The following CDC25B variants were observed in gnomAD, a reference collection of about 807,000 sequenced individuals.
CDC25B encodes M-phase inducer phosphatase 2.
In CDC25B, 33 loss-of-function variants were observed where a neutral mutation model predicts 69.8. The ratio of observed to expected loss-of-function variants is 0.47; its 90% CI spans 0.36 to 0.63. The LOEUF (loss-of-function observed/expected upper bound fraction) is 0.63. Among genes scored for constraint, CDC25B ranks in the 30% least tolerant of loss-of-function variants. CDC25B has a pLI of 0.00. For synonymous variants in CDC25B, 341 were observed against 314.6 expected (o/e 1.08, Z -0.89); for missense variants, 727 against 809.1 (o/e 0.90, Z 1.23).
At chr20:3,795,213 TA>T (rs1202665806), upstream of CDC25B, among the ~76,000 whole-genome samples, 1 of 151,860 alleles carries the variant, frequency 6.6e-6, no homozygotes, top group Non-Finnish European at 1.5e-5. Context: ...ATACAAACAT[TA>T]GCTGGGCGTG....
intron 7 of CDC25B, 74 bp downstream of exon 7, chr20:3,801,167 C>A: frequency 6.2e-7 from 1 of 1,604,848 alleles, no homozygotes; most frequent in Middle Eastern, 1.7e-4. Context: ...GGCCCTGAAC[C>A]CCCAGGCACT....
chr20:3,788,781 TTCTC>T (rs887164905), intron 1 of CDC25B, among the ~76,000 whole-genome samples: 4 of 151,670 alleles, frequency 2.6e-5, no homozygotes, highest in African/African-American at 9.7e-5. Flanking sequence ...TTCTTTCTCT[TTCTC>T]TCTTTTCCTT....
chr20:3,794,515 GTT>G (rs34263628), upstream of CDC25B, among the ~76,000 whole-genome samples: 90,440 of 149,020 alleles, frequency 0.61, 27,932 homozygotes, highest in African/African-American at 0.73. Context: ...TCTCGGGGCA[GTT>G]TTTTTTTTCT....
In CDC25B at chr20:3,802,086, G is replaced by A. The variant is rs1294170557; in HGVS notation, c.1084G>A (p.Glu362Lys). Residue 362 changes from glutamate (E) to lysine (K), a missense_variant, in exon 10 of 16, where the codon GAG becomes AAG. Coordinates refer to ENST00000245960, the MANE Select transcript of CDC25B (RefSeq NM_021873.4). ...CGTGACCCCTCCTGAGGAGCAGCAG[G>A]AGGCTGAGGAACCTGTGAGTGCCTT... is the stretch of plus-strand genomic sequence containing the variant. ...RSVTPPEEQQEAEEPKARVLR... is the reference protein window; with the variant it reads ...RSVTPPEEQQKAEEPKARVLR... 1 of 1,553,336 alleles carries A rather than the reference G, an allele frequency of 6.4e-7. No homozygotes were observed. The highest frequency in any genetic ancestry group is 8.7e-7 in the Non-Finnish European group (1 of 1,147,460).
intron 1 of CDC25B, among the ~76,000 whole-genome samples, chr20:3,791,106 G>T (rs2088908402): frequency 1.3e-5 from 2 of 152,202 alleles, no homozygotes. Context: ...CCACCTGACT[G>T]CCCGTTCTCC....
Position 3,798,461 on chromosome 20 carries a change from G to A in CDC25B, c.378G>A (p.Gln126=), listed in dbSNP as rs139123058. 1.3e-6 allele frequency: 2 copies of A among 1,597,130 alleles called. No individual in the cohort carries two copies. The highest frequency in any genetic ancestry group is 3.4e-5 in the Admixed American group (2 of 58,024). ...PSPMDPHMAE[Q]TFEQAIQAAS... The stretch of plus-strand genomic sequence containing the variant: ...CTATGGACCCCCACATGGCGGAGCA[G>A]ACGTGAGTAGAGAAGGGAATGTGTA... The change falls in exon 3 of 16, where the codon CAG becomes CAA. Residue 126 remains glutamine (Q), a splice_region_variant and synonymous_variant. Coordinates refer to ENST00000245960, the MANE Select transcript of CDC25B (RefSeq NM_021873.4).
chr20:3,791,319 G>A (rs2088912157), upstream of CDC25B, among the ~76,000 whole-genome samples: 5 of 152,254 alleles, frequency 3.3e-5, no homozygotes, highest in South Asian at 6.2e-4. Flanking sequence ...AGAGGTAAAT[G>A]ATTTAGTCCT....
At chr20:3,796,116 T>C, upstream of CDC25B, 3 of 1,034,468 alleles carry the variant, frequency 2.9e-6, no homozygotes, top group Non-Finnish European at 3.5e-6. Flanking sequence ...CAGGGGGATG[T>C]GCGAGGGTGT....
upstream of CDC25B, among the ~76,000 whole-genome samples, chr20:3,791,463 G>C (rs574379517): frequency 6.6e-6 from 1 of 152,186 alleles, no homozygotes; most frequent in South Asian, 2.1e-4. Flanking sequence ...CTGGTGGATC[G>C]CTTAAGCCCA....
chr20:3,802,423 T>C (rs565150389), intron 11 of CDC25B, 47 bp downstream of exon 11: 1 of 1,328,692 alleles, frequency 7.5e-7, no homozygotes, highest in African/African-American at 1.4e-5. Context: ...GACCTCTTAC[T>C]GACTAGGGGT....
rs765262777 is a variant in CDC25B at position 3,797,730 on chromosome 20, C to T, written c.309C>T (p.Ser103=). ...CCGAATCCTCCCTGTCGTCTGAATCCTCCGAATCTTCTGATGCAGGTGAGG... is the reference window on the plus strand; with the variant it reads ...CCGAATCCTCCCTGTCGTCTGAATCTTCCGAATCTTCTGATGCAGGTGAGG... The part of the protein sequence containing the change: ...RASESSLSSE[S]SESSDAGLCM... Residue 103 remains serine, a synonymous_variant, in exon 2 of 16, where the codon TCC becomes TCT. Transcript: ENST00000245960. 2.5e-6 allele frequency: 4 copies of T among 1,614,004 alleles called. No homozygotes were observed. The East Asian group carries it at 6.7e-5, about 27-fold the overall frequency.
At chr20:3,794,911 C>T (rs572113797), upstream of CDC25B, among the ~76,000 whole-genome samples, 3 of 152,268 alleles carry the variant, frequency 2.0e-5, no homozygotes, top group South Asian at 6.2e-4. Flanking sequence ...AGCTGCAGCC[C>T]GCCCCCCGCA....
In CDC25B at chr20:3,797,765, G is replaced by C. The variant is rs1465977872; in HGVS notation, c.328+16G>C. 1.2e-6 allele frequency: 2 copies of C among 1,613,102 alleles called. No individual in the cohort carries two copies. The highest frequency in any genetic ancestry group is 2.7e-5 in the African/African-American group (2 of 74,940). ...TCTGATGCAGGTGAGGCCCAGGGGAGCCTGGGGAGATCTGCCTGTGTCAGG... is the reference window on the plus strand; with the variant it reads ...TCTGATGCAGGTGAGGCCCAGGGGACCCTGGGGAGATCTGCCTGTGTCAGG... On this transcript the variant is annotated intron_variant, in intron 2 of 15. Transcript: ENST00000245960.
rs771068008 is a variant in CDC25B, at chr20:3,802,970, A to G, written c.1255A>G (p.Thr419Ala). 2.5e-6 allele frequency: 4 copies of G among 1,613,642 alleles called. No individual in the cohort carries two copies. Among genetic ancestry groups the G allele is most frequent in the Admixed American group, 1.7e-5 (1 of 60,006 alleles). Reference sequence around the variant, plus strand: ...AGACCTCAAGTACATCTCACCAGAAACGGTAAACAGCGTTGCGTCATTTTC... The same window carrying G: ...AGACCTCAAGTACATCTCACCAGAAGCGGTAAACAGCGTTGCGTCATTTTC... ...HQDLKYISPE[T>A]MVALLTGKFS... is the part of the protein sequence containing the mutation. Residue 419 changes from threonine (T) to alanine (A), a missense_variant and splice_region_variant, in exon 12 of 16, where the codon ACG (threonine) becomes GCG (alanine). Around this residue, in one of 2 missense-constraint regions of CDC25B, gnomAD observed 359 missense variants for 463.4 expected, o/e 0.77. Coordinates refer to ENST00000245960, the MANE Select transcript of CDC25B (RefSeq NM_021873.4).
chr20:3,802,049 G>T lies in CDC25B; in HGVS notation c.1047G>T (p.Lys349Asn). The T allele has an allele frequency of 1.3e-6, 2 of 1,569,618 alleles. No individual in the cohort carries two copies. The highest frequency in any genetic ancestry group is 1.7e-6 in the Non-Finnish European group (2 of 1,157,510). Reference protein sequence around the residue: ...PQDRDTPVQNKRRRSVTPPEE... With the variant: ...PQDRDTPVQNNRRRSVTPPEE... ...ACAGGGACACGCCCGTGCAGAATAA[G>T]CGGAGGCGGAGCGTGACCCCTCCTG... is the stretch of plus-strand genomic sequence containing the variant. Residue 349 changes from lysine (K) to asparagine (N), a missense_variant, in exon 10 of 16, where the codon AAG becomes AAT. Transcript: ENST00000245960.
chr20:3,793,738 A>C (rs2088956076), upstream of CDC25B, among the ~76,000 whole-genome samples: 1 of 118,602 alleles, frequency 8.4e-6, no homozygotes, highest in Admixed American at 8.2e-5. Flanking sequence ...TCCTAATGCT[A>C]TCCCTCCCCC....
chr20:3,800,477 C>T lies in CDC25B; in HGVS notation c.438C>T (p.Ile146=), dbSNP rs755912697. 9 of 1,614,226 alleles carry T rather than the reference C, an allele frequency of 5.6e-6. No individual in the cohort carries two copies. The highest frequency in any genetic ancestry group is 4.4e-5 in the South Asian group (4 of 91,084). ...SRIIRNEQFA[I]RRFQSMPVRL... ...CCTCCTGTAGCGAGCAGTTTGCCAT[C>T]AGACGCTTCCAGTCTATGCCGGTGA... Residue 146 remains isoleucine (I), a synonymous_variant, in exon 5 of 16, where the codon ATC becomes ATT. Coordinates refer to ENST00000245960, the MANE Select transcript of CDC25B (RefSeq NM_021873.4).
Position 3,801,017 on chromosome 20 carries a change from C to T in CDC25B, c.629C>T (p.Ser210Phe), listed in dbSNP as rs919329789. The T allele has an allele frequency of 6.2e-7, 1 of 1,614,030 alleles. No individual in the cohort carries two copies. The highest frequency in any genetic ancestry group is 8.5e-7 in the Non-Finnish European group (1 of 1,179,890). The change falls in exon 7 of 16, where the codon TCC becomes TTC. Residue 210 changes from serine (S) to phenylalanine (F), a missense_variant. Coordinates refer to ENST00000245960, the MANE Select transcript of CDC25B (RefSeq NM_021873.4). ...KMPWKPTHPS[S>F]THALAEWASR... Reference sequence around the variant, plus strand: ...CCATGGAAGCCCACACATCCCAGCTCCACCCATGCTCTGGCAGAGTGGGCC... The same window carrying T: ...CCATGGAAGCCCACACATCCCAGCTTCACCCATGCTCTGGCAGAGTGGGCC...
intron 1 of CDC25B, among the ~76,000 whole-genome samples, chr20:3,797,195 C>T (rs1164439019): frequency 6.6e-6 from 1 of 152,218 alleles, no homozygotes; most frequent in Admixed American, 6.5e-5. Context: ...TGATCCTGCT[C>T]CCTAAGTCTG....
Sources: allele counts gnomAD v4.1 joint callset (sites outside exome capture counted in the v4.1 genomes callset), GRCh38; gene constraint gnomAD v4.1.1; regional missense constraint gnomAD v4.1.1; transcripts MANE v1.5; gene names NCBI Gene and HGNC (gene_info 2026-07-23, HGNC 2026-07-21).